Variants in XYLB observed in about 807,000 individuals in gnomAD.
XYLB encodes the protein xylulose kinase.
In XYLB, 62 loss-of-function variants were observed where a neutral mutation model predicts 78.7. That is an observed-to-expected ratio of 0.79 (90% CI 0.64 to 0.97). XYLB has a LOEUF of 0.97. Among genes scored for constraint, XYLB ranks in the 50% least tolerant of loss-of-function variants. XYLB has a pLI of 0.00. For missense variants in XYLB, 687 were observed against 676.8 expected (o/e 1.02, Z -0.17); for synonymous variants, 245 against 247.4 (o/e 0.99, Z 0.09).
intron 6 of XYLB, among the ~76,000 whole-genome samples, chr3:38,366,577 C>G (rs1706273221): frequency 6.6e-6 from 1 of 152,214 alleles, no homozygotes; most frequent in South Asian, 2.1e-4. Flanking sequence ...GAAACGAGGT[C>G]TCACTGTGTT....
chr3:38,354,220 C>T (rs985090528), intron 2 of XYLB, among the ~76,000 whole-genome samples: 3 of 151,862 alleles, frequency 2.0e-5, no homozygotes, highest in Non-Finnish European at 4.4e-5. Context: ...ATTACAGGCG[C>T]CCGCCACTGG....
intron 2 of XYLB, chr3:38,355,776 G>A: frequency 1.4e-6 from 1 of 703,650 alleles, no homozygotes; most frequent in South Asian, 1.5e-5. Context: ...ACATGACAGA[G>A]CCACCATCAA....
chr3:38,424,031 C>T (rs1386623010), downstream of XYLB, among the ~76,000 whole-genome samples: 1 of 152,206 alleles, frequency 6.6e-6, no homozygotes, highest in Non-Finnish European at 1.5e-5. Context: ...CATGAGTAAT[C>T]TCTTTTCTAT....
chr3:38,429,009 C>T, the XYLB span, among the ~76,000 whole-genome samples: 1 of 152,226 alleles, frequency 6.6e-6, no homozygotes, highest in African/African-American at 2.4e-5. Context: ...TTTCTGCTGA[C>T]AGACCCTTCA....
chr3:38,385,921 G>T (rs1295225209), intron 15 of XYLB, among the ~76,000 whole-genome samples: 2 of 152,014 alleles, frequency 1.3e-5, no homozygotes, highest in East Asian at 3.9e-4. Context: ...CCTTTCAGTG[G>T]GCTGAGCTGG....
Position 38,414,879 on chromosome 3 carries a change from A to G in XYLB, c.*1866A>G, listed in dbSNP as rs1708736068. ...TGTCAAAGAAAAGATGATACAGGTAAGATTGGAACTCATGAAGACAAAAGA... is the reference window on the plus strand; with the variant it reads ...TGTCAAAGAAAAGATGATACAGGTAGGATTGGAACTCATGAAGACAAAAGA... On this transcript the variant is annotated 3_prime_UTR_variant, in exon 19 of 19. Coordinates refer to ENST00000207870, the MANE Select transcript of XYLB (RefSeq NM_005108.4). 6.6e-6 allele frequency: 1 copy of G among 152,338 alleles called. No individual in the cohort carries two copies. The highest frequency in any genetic ancestry group is 1.9e-4 in the East Asian group (1 of 5,196). 9.4% of individuals were successfully genotyped at this position (152,338 alleles called of 1,614,324 possible).
chr3:38,373,645 T>C (rs1434729832), intron 10 of XYLB, among the ~76,000 whole-genome samples: 5 of 152,314 alleles, frequency 3.3e-5, no homozygotes, highest in Non-Finnish European at 7.4e-5. Flanking sequence ...TCTTTGTTGT[T>C]ATAGGATAAG....
intron 15 of XYLB, among the ~76,000 whole-genome samples, chr3:38,388,316 A>T (rs1427272246): frequency 6.6e-6 from 1 of 152,050 alleles, no homozygotes; most frequent in Non-Finnish European, 1.5e-5. Context: ...GATTTATTGT[A>T]CAACATGGTG....
chr3:38,393,486 C>A (rs1009524225), intron 15 of XYLB, among the ~76,000 whole-genome samples: 8 of 152,126 alleles, frequency 5.3e-5, no homozygotes, highest in Non-Finnish European at 1.0e-4. Flanking sequence ...TGGTCTTGTT[C>A]TTGGGGCAGA....
rs115611175 is a variant in XYLB at position 38,354,674 on chromosome 3, T to C, written c.141-5665T>C. ...CATACCACTACACTTGGCTAATTTT[T>C]GAGTTTTTAGTGGAGACAGGGTTTC... On this transcript the variant is annotated intron_variant, in intron 2 of 18. Transcript: ENST00000207870. Among the ~76,000 whole-genome samples, 1,108 of 152,078 alleles carry C rather than the reference T, an allele frequency of 7.3e-3. 9 individuals are homozygous for C. Among genetic ancestry groups the C allele is most frequent in the African/African-American group, 0.024 (1,012 of 41,468 alleles).
At chr3:38,378,277 G>GTGT (rs1706966792) in intron 14 of XYLB, among the ~76,000 whole-genome samples, 1 of 152,240 alleles carries the variant, frequency 6.6e-6, no homozygotes, top group Non-Finnish European at 1.5e-5. Context: ...GGAGAAAGTA[G>GTGT]TGTTCTTCAT....
chr3:38,356,453 C>T (rs1180464922), intron 2 of XYLB: 1 of 152,194 alleles, frequency 6.6e-6, no homozygotes, highest in Non-Finnish European at 1.5e-5. Flanking sequence ...TGTATAGTCC[C>T]CCTCCTGCCA....
In XYLB at chr3:38,376,152, G is replaced by T. The variant is rs373645316; in HGVS notation, c.1040G>T (p.Arg347Leu). ...KNGSLMREKI[R>L]NESVSRSWSD... is the part of the protein sequence containing the mutation. ...GGCTCCCTCATGAGAGAGAAGATCC[G>T]CAACGAGTCTGTATCCCGTTCCTGG... Residue 347 changes from arginine (R) to leucine (L), a missense_variant, in exon 13 of 19, where the codon CGC (arginine) becomes CTC (leucine). Physicochemically the swap from Arg to Leu is moderately radical, Grantham distance 102. Coordinates refer to ENST00000207870, the MANE Select transcript of XYLB (RefSeq NM_005108.4). The T allele has an allele frequency of 2.5e-6, 4 of 1,614,050 alleles. No individual in the cohort carries two copies. The highest frequency in any genetic ancestry group is 2.2e-5 in the South Asian group (2 of 91,076).
At chr3:38,424,054 T>C (rs543632988), downstream of XYLB, among the ~76,000 whole-genome samples, 1 of 152,306 alleles carries the variant, frequency 6.6e-6, no homozygotes, top group African/African-American at 2.4e-5. Context: ...TTAGAGGAGA[T>C]CCCAGTCTCA....
At chr3:38,422,926 T>TACC (rs1709024239), downstream of XYLB, among the ~76,000 whole-genome samples, 1 of 152,146 alleles carries the variant, frequency 6.6e-6, no homozygotes, top group Admixed American at 6.5e-5. Context: ...ACCTTTAAAA[T>TACC]GGTTAACAAG....
intron 15 of XYLB, among the ~76,000 whole-genome samples, chr3:38,394,876 T>C (rs544336335): frequency 5.3e-5 from 8 of 152,222 alleles, no homozygotes; most frequent in Non-Finnish European, 1.2e-4. Flanking sequence ...TCCTGCCATG[T>C]AGACCTCTCC....
chr3:38,422,148 C>G (rs1035529054), downstream of XYLB, among the ~76,000 whole-genome samples: 4 of 152,212 alleles, frequency 2.6e-5, no homozygotes, highest in Non-Finnish European at 4.4e-5. Context: ...TGTCTCCAGT[C>G]AGATGATGCC....
the XYLB span, among the ~76,000 whole-genome samples, chr3:38,427,344 T>C: frequency 6.6e-6 from 1 of 152,210 alleles, no homozygotes; most frequent in Non-Finnish European, 1.5e-5. Context: ...CTGGCCACAA[T>C]CTTCCATTTT....
rs1705082135 is a variant in XYLB, at chr3:38,346,816, C to T, written c.-53C>T. 4 of 1,460,542 alleles carry T rather than the reference C, an allele frequency of 2.7e-6. No individual in the cohort carries two copies. The highest frequency in any genetic ancestry group is 1.3e-5 in the South Asian group (1 of 75,478). 90.5% of individuals were successfully genotyped at this position (1,460,542 alleles called of 1,614,324 possible). ...GGGCGCTGGAGCGCGGCGACTATCA[C>T]GCCGCGTGGCGGACGGACGGACTGA... On this transcript the variant is annotated 5_prime_UTR_variant, in exon 1 of 19. The change creates a new upstream start codon in the 5' untranslated region. Coordinates refer to ENST00000207870, the MANE Select transcript of XYLB (RefSeq NM_005108.4).
Sources: allele counts gnomAD v4.1 joint callset (sites outside exome capture counted in the v4.1 genomes callset), GRCh38; gene constraint gnomAD v4.1.1; transcripts MANE v1.5; gene names NCBI Gene and HGNC (gene_info 2026-07-23, HGNC 2026-07-21).